Variants in C8orf34 observed in about 807,000 individuals in gnomAD.
C8orf34 encodes uncharacterized protein C8orf34.
In C8orf34, 65 loss-of-function variants were observed where a neutral mutation model predicts 68.3. The ratio of observed to expected loss-of-function variants is 0.95; its 90% CI spans 0.78 to 1.17. C8orf34 has a LOEUF of 1.17. Among genes scored for constraint, C8orf34 ranks in the 50% most tolerant of loss-of-function variants. The pLI is 0.00. For synonymous variants in C8orf34, 244 were observed against 241.2 expected (o/e 1.01, Z -0.11); for missense variants, 664 against 655.4 (o/e 1.01, Z -0.14).
intron 1 of C8orf34, among the ~76,000 whole-genome samples, chr8:68,348,278 TG>T (rs1414662886): frequency 2.6e-5 from 4 of 152,056 alleles, no homozygotes; most frequent in Admixed American, 2.0e-4. Context: ...GTCATAGATA[TG>T]TAGCTTTATT....
chr8:68,600,588 G>T (rs1817670717), intron 7 of C8orf34, among the ~76,000 whole-genome samples: 1 of 152,006 alleles, frequency 6.6e-6, no homozygotes, highest in South Asian at 2.1e-4. Flanking sequence ...GCATATTTTT[G>T]ATAGATATAG....
intron 4 of C8orf34, among the ~76,000 whole-genome samples, chr8:68,480,324 C>T (rs1812805735): frequency 6.6e-6 from 1 of 152,204 alleles, no homozygotes; most frequent in South Asian, 2.1e-4. Flanking sequence ...TGCCATGGTT[C>T]TGAGGCCTCT....
chr8:68,534,385 A>T, intron 7 of C8orf34: 1 of 941,056 alleles, frequency 1.1e-6, no homozygotes, highest in Non-Finnish European at 1.3e-6. Context: ...ACTCTATGCT[A>T]AGCACTTGGC....
chr8:68,466,782 T>C (rs1440528387), intron 3 of C8orf34, among the ~76,000 whole-genome samples: 1 of 147,206 alleles, frequency 6.8e-6, no homozygotes, highest in Non-Finnish European at 1.5e-5. Context: ...TTCATTTCTT[T>C]ATGATGACTT....
At chr8:68,577,365 C>T (rs2130318788) in intron 7 of C8orf34, among the ~76,000 whole-genome samples, 1 of 151,986 alleles carries the variant, frequency 6.6e-6, no homozygotes, top group Non-Finnish European at 1.5e-5. Flanking sequence ...GAGGAATTAT[C>T]ATATAGGTGC....
chr8:68,595,930 C>T (rs1817535556), intron 7 of C8orf34, among the ~76,000 whole-genome samples: 1 of 152,034 alleles, frequency 6.6e-6, no homozygotes, highest in Non-Finnish European at 1.5e-5. Flanking sequence ...TATCCAATAT[C>T]TTCAAGTGGT....
At chr8:68,704,620 T>C (rs1821112492) in intron 8 of C8orf34, among the ~76,000 whole-genome samples, 1 of 152,082 alleles carries the variant, frequency 6.6e-6, no homozygotes, top group South Asian at 2.1e-4. Context: ...TGGCTAAAAT[T>C]ACTGTCTCTC....
chr8:68,663,001 C>A (rs1035869591), intron 8 of C8orf34, among the ~76,000 whole-genome samples: 2 of 152,036 alleles, frequency 1.3e-5, no homozygotes, highest in Non-Finnish European at 2.9e-5. Flanking sequence ...TGGAAGTTAC[C>A]CTTTTTGACT....
At position 68,731,135 on chromosome 8, in the gene C8orf34, T is replaced by A. The variant is rs576789902; in HGVS notation, c.1404+9698T>A. Reference sequence around the variant, plus strand: ...ATCCCTTGTGGAAATGGAAAAACATTAAATTACCCACAAGGGCATTTCCTT... The same window carrying A: ...ATCCCTTGTGGAAATGGAAAAACATAAAATTACCCACAAGGGCATTTCCTT... On this transcript the variant is annotated intron_variant, in intron 10 of 13. Transcript: ENST00000518698. Among the ~76,000 whole-genome samples the A allele has an allele frequency of 1.6e-4, 24 of 152,288 alleles. No homozygotes were observed. The East Asian group carries it at 2.3e-3, about 15-fold the overall frequency.
Position 68,709,161 on chromosome 8 carries a change from A to G in C8orf34, c.1327+82A>G, listed in dbSNP as rs1004982517. 9.7e-6 allele frequency: 10 copies of G among 1,026,928 alleles called. No homozygotes were observed. In the East Asian group the frequency reaches 2.6e-4, roughly 26 times the overall value. The allele number at this position is 1,026,928 out of a possible 1,614,324, so 63.6% of individuals were successfully genotyped here. On this transcript the variant is annotated intron_variant, in intron 9 of 13. Transcript: ENST00000518698. ...GAAGTAAAGGAAAAAAACTAAACCAAACATCTTGCCTTGCATGAATTCACT... is the reference window on the plus strand; with the variant it reads ...GAAGTAAAGGAAAAAAACTAAACCAGACATCTTGCCTTGCATGAATTCACT...
chr8:68,708,046 A>G (rs1280979211), intron 8 of C8orf34, among the ~76,000 whole-genome samples: 3 of 152,218 alleles, frequency 2.0e-5, no homozygotes, highest in Admixed American at 2.0e-4. Flanking sequence ...AAATTAATTA[A>G]AAGTACAAAA....
At chr8:68,592,237 T>C (rs540960993) in intron 7 of C8orf34, among the ~76,000 whole-genome samples, 3 of 84,330 alleles carry the variant, frequency 3.6e-5, no homozygotes, top group African/African-American at 1.4e-4. Context: ...TTTTTATTCC[T>C]TATGGCATTT....
At position 68,502,104 on chromosome 8, in the gene C8orf34, T is replaced by TC. The variant is rs1359974106; in HGVS notation, c.765+14057dup. ...TTCGTTTTTTGACAGTCTCGCTCTG[T>TC]CCCCAGGCTGGAGTGCAGTGGCGTG... On this transcript the variant is annotated intron_variant, in intron 5 of 13. Transcript: ENST00000518698. Among the ~76,000 whole-genome samples the TC allele has an allele frequency of 2.6e-5, 4 of 152,264 alleles. No homozygotes were observed. In the East Asian group the frequency reaches 7.7e-4, roughly 29 times the overall value.
intron 5 of C8orf34, among the ~76,000 whole-genome samples, chr8:68,491,242 CTT>C (rs752073548): frequency 1.4e-5 from 2 of 142,644 alleles, no homozygotes; most frequent in African/African-American, 2.6e-5. Flanking sequence ...ATTTTTTAAG[CTT>C]TTTTTTTTTT....
intron 8 of C8orf34, among the ~76,000 whole-genome samples, chr8:68,677,464 T>C (rs1374585472): frequency 6.6e-6 from 1 of 151,770 alleles, no homozygotes; most frequent in Non-Finnish European, 1.5e-5. Flanking sequence ...ACTCAAACAA[T>C]CCTCCCACCT....
At chr8:68,789,745 A>G (rs1823939656) in intron 12 of C8orf34, among the ~76,000 whole-genome samples, 1 of 152,216 alleles carries the variant, frequency 6.6e-6, no homozygotes, top group East Asian at 1.9e-4. Flanking sequence ...CAACTTGTTT[A>G]TCAGGACAGC....
chr8:68,601,502 C>T (rs1004673496), intron 7 of C8orf34, among the ~76,000 whole-genome samples: 6 of 152,070 alleles, frequency 3.9e-5, no homozygotes, highest in Non-Finnish European at 8.8e-5. Context: ...CTCCACTCTA[C>T]TGTTGAATCC....
intron 7 of C8orf34, among the ~76,000 whole-genome samples, chr8:68,616,334 T>C (rs1362079604): frequency 6.6e-6 from 1 of 152,210 alleles, no homozygotes; most frequent in Non-Finnish European, 1.5e-5. Context: ...TTCTGCTAGC[T>C]TTTGAATGTG....
At chr8:68,415,126 A>G (rs1296455748) in intron 1 of C8orf34, among the ~76,000 whole-genome samples, 2 of 152,180 alleles carry the variant, frequency 1.3e-5, no homozygotes, top group Non-Finnish European at 2.9e-5. Flanking sequence ...TGGTTTGTTC[A>G]GAAGCCACAG....
Sources: gnomAD v4.1 joint callset for allele counts (sites outside exome capture counted in the v4.1 genomes callset) on GRCh38, gnomAD v4.1.1 for gene constraint, MANE v1.5 for transcripts, NCBI Gene and HGNC (gene_info 2026-07-23, HGNC 2026-07-21) for gene names.